The following MYO10 variants were observed in gnomAD, a reference collection of about 807,000 sequenced individuals.
The protein encoded by MYO10 is unconventional myosin-X.
Under a neutral mutation model 257.3 loss-of-function variants are expected in MYO10, and 133 were observed. That is an observed-to-expected ratio of 0.52 (90% confidence interval 0.45 to 0.60). MYO10 has a LOEUF of 0.60. Among genes scored for constraint, MYO10 ranks in the 20% least tolerant of loss-of-function variants. The pLI is 0.00. For synonymous variants in MYO10, 1,104 were observed against 1,028.6 expected (o/e 1.07, Z -1.40); for missense variants, 2,399 against 2,635.7 (o/e 0.91, Z 1.97).
chr5:16,771,546 ATTTATT>A, intron 9 of MYO10, among the ~76,000 whole-genome samples: 1 of 119,748 alleles, frequency 8.4e-6, no homozygotes, highest in East Asian at 2.5e-4. Flanking sequence ...TACTATTATG[ATTTATT>A]ATTATTATTA....
chr5:16,890,606 G>A (rs534781239), intron 1 of MYO10, among the ~76,000 whole-genome samples: 9 of 151,678 alleles, frequency 5.9e-5, no homozygotes, highest in Admixed American at 3.3e-4. Context: ...TTGGGAGGCC[G>A]GGGCAGGCAG....
chr5:16,813,417 A>C (rs1742500973), intron 3 of MYO10, among the ~76,000 whole-genome samples: 1 of 151,842 alleles, frequency 6.6e-6, no homozygotes, highest in Non-Finnish European at 1.5e-5. Context: ...ATAGTCCTAT[A>C]TATTATATAC....
At chr5:16,869,840 G>A (rs762700356) in intron 2 of MYO10, among the ~76,000 whole-genome samples, 4 of 149,840 alleles carry the variant, frequency 2.7e-5, no homozygotes, top group Non-Finnish European at 4.4e-5. Flanking sequence ...ACTCCAGCTG[G>A]GGCAAAAGAG....
intron 4 of MYO10, among the ~76,000 whole-genome samples, chr5:16,790,857 T>G (rs1007072170): frequency 6.6e-6 from 1 of 151,512 alleles, no homozygotes; most frequent in African/African-American, 2.4e-5. Context: ...AGTCAAACAC[T>G]GACCTTATGA....
At chr5:16,751,450 CT>C (rs1332937038) in intron 19 of MYO10, among the ~76,000 whole-genome samples, 2 of 152,108 alleles carry the variant, frequency 1.3e-5, no homozygotes, top group Non-Finnish European at 2.9e-5. Flanking sequence ...CAAGTCAGCT[CT>C]TGTGCCTCTG....
At chr5:16,780,136 C>T (rs1322283117) in intron 8 of MYO10, among the ~76,000 whole-genome samples, 5 of 152,082 alleles carry the variant, frequency 3.3e-5, no homozygotes, top group Non-Finnish European at 4.4e-5. Context: ...TCCTGATCTC[C>T]AGTGATCCGT....
chr5:16,929,253 A>C (rs1746230100), intron 1 of MYO10, among the ~76,000 whole-genome samples: 1 of 152,144 alleles, frequency 6.6e-6, no homozygotes, highest in Non-Finnish European at 1.5e-5. Context: ...GCACCCGGCC[A>C]AATCAGTGGC....
intron 19 of MYO10, among the ~76,000 whole-genome samples, chr5:16,723,888 A>G (rs536975746): frequency 1.3e-5 from 2 of 152,362 alleles, no homozygotes; most frequent in African/African-American, 4.8e-5. Context: ...CAATTATATG[A>G]CATCCAGAAA....
chr5:16,820,740 C>T (rs1228427383), intron 2 of MYO10, among the ~76,000 whole-genome samples: 6 of 151,976 alleles, frequency 3.9e-5, no homozygotes, highest in Non-Finnish European at 5.9e-5. Flanking sequence ...TTTATAGATA[C>T]ATATTCTGCT....
At chr5:16,783,651 C>T (rs1030212719) in intron 4 of MYO10, among the ~76,000 whole-genome samples, 182 bp from the exon 5 acceptor site, 1 of 152,220 alleles carries the variant, frequency 6.6e-6, no homozygotes, top group Non-Finnish European at 1.5e-5. Context: ...CTCCTGCTGG[C>T]CACATTGTGT....
intron 21 of MYO10, among the ~76,000 whole-genome samples, chr5:16,709,999 C>T (rs1040711341): frequency 2.0e-5 from 3 of 152,244 alleles, no homozygotes; most frequent in African/African-American, 4.8e-5. Flanking sequence ...ATACGTCTCT[C>T]TCTTCCCCCG....
At chr5:16,764,581 A>ATT (rs1740810683) in intron 11 of MYO10, among the ~76,000 whole-genome samples, 185 bp from the exon 12 acceptor site, 1 of 152,230 alleles carries the variant, frequency 6.6e-6, no homozygotes, top group Non-Finnish European at 1.5e-5. Context: ...GAATTCACAT[A>ATT]TTTCTCTTCT....
At chr5:16,675,288 A>G (rs546311358) in intron 34 of MYO10, 138 bp from the exon 35 acceptor site, 1 of 830,894 alleles carries the variant, frequency 1.2e-6, no homozygotes, top group South Asian at 1.6e-5. Context: ...ATACATCTCA[A>G]TCAGTTGAAC....
chr5:16,787,430 A>T (rs540423848), intron 4 of MYO10, among the ~76,000 whole-genome samples: 1 of 152,154 alleles, frequency 6.6e-6, no homozygotes, highest in East Asian at 1.9e-4. Context: ...CAGGTAGTAC[A>T]TTTCTGTCTA....
intron 2 of MYO10, among the ~76,000 whole-genome samples, chr5:16,874,452 C>T (rs1418290796): frequency 6.6e-6 from 1 of 150,664 alleles, no homozygotes; most frequent in Non-Finnish European, 1.5e-5. Flanking sequence ...GCCCCCACAT[C>T]ACCTCTTGAA....
chr5:16,801,714 T>C (rs963250321), intron 3 of MYO10, among the ~76,000 whole-genome samples: 1 of 152,250 alleles, frequency 6.6e-6, no homozygotes, highest in Non-Finnish European at 1.5e-5. Context: ...GTTCATAACA[T>C]GTCCGGCATC....
At chr5:16,714,448 C>T (rs1738759817) in intron 19 of MYO10, among the ~76,000 whole-genome samples, 1 of 152,110 alleles carries the variant, frequency 6.6e-6, no homozygotes, top group Non-Finnish European at 1.5e-5. Flanking sequence ...ACTGGAGGCT[C>T]ACAGTAGAGA....
intron 21 of MYO10, among the ~76,000 whole-genome samples, chr5:16,707,517 C>T (rs1253291012): frequency 6.6e-6 from 1 of 152,158 alleles, no homozygotes; most frequent in Non-Finnish European, 1.5e-5. Context: ...GCTTAAGATC[C>T]TGTGGGTTAT....
chr5:16,917,539 G>A (rs1304610266), intron 1 of MYO10, among the ~76,000 whole-genome samples: 1 of 151,978 alleles, frequency 6.6e-6, no homozygotes, highest in Non-Finnish European at 1.5e-5. Context: ...GCCTCCAGTT[G>A]AGAACTACCA....
Sources: allele counts gnomAD v4.1 joint callset (sites outside exome capture counted in the v4.1 genomes callset), GRCh38; gene constraint gnomAD v4.1.1; transcripts MANE v1.5; gene names NCBI Gene and HGNC (gene_info 2026-07-23, HGNC 2026-07-21).